The following FGF13 variants were observed in gnomAD, a reference collection of about 807,000 sequenced individuals.
The protein encoded by FGF13 is fibroblast growth factor 13.
FGF13 carries 2 observed loss-of-function variants against 19.5 expected under a neutral mutation model. The observed-to-expected ratio is 0.10, with a 90% CI of 0.04 to 0.32. The LOEUF is 0.32. Ranked by LOEUF, FGF13 falls within the 10% of genes least tolerant of loss-of-function variation. FGF13 has a pLI of 1.00. For missense variants in FGF13, 113 were observed against 192.7 expected, an observed-to-expected ratio of 0.59 and a Z score of 2.45; for synonymous variants, 72 against 76.9, an observed-to-expected ratio of 0.94 and a Z score of 0.33.
chrX:139,064,419 C>G (rs2124425532), intron 1 of FGF13, among the ~76,000 whole-genome samples: 1 of 93,103 alleles, frequency 1.1e-5, no homozygotes, highest in South Asian at 5.4e-4. Context: ...TCTCCTGCCT[C>G]AGCCTCCCGA....
rs150612113 is a variant in FGF13 at position 138,834,323 on chromosome X, G to A, written c.217+23189C>T. On this transcript the variant is annotated intron_variant, in intron 3 of 6. Transcript: ENST00000436198. ...GACTATCTATTAATGCCTCAATTTC[G>A]GAACCTGCTATTGGTCTGTTAAGGG... 2.9e-3 allele frequency among the ~76,000 whole-genome samples: 318 copies of A among 111,041 alleles called. 10 individuals carry two copies. In the East Asian group the frequency reaches 0.077, roughly 27 times the overall value.
At chrX:138,926,537 C>T (rs909270061) in intron 1 of FGF13, among the ~76,000 whole-genome samples, 2 of 110,610 alleles carry the variant, frequency 1.8e-5, no homozygotes, top group African/African-American at 3.4e-5. Flanking sequence ...ACATTGTGAG[C>T]GATAAGCAAA....
chrX:138,963,493 A>G (rs769951495), intron 1 of FGF13, among the ~76,000 whole-genome samples: 2 of 112,364 alleles, frequency 1.8e-5, no homozygotes, highest in Non-Finnish European at 3.8e-5. Flanking sequence ...GCCCCACATA[A>G]ACCTTCTTGG....
intron 1 of FGF13, among the ~76,000 whole-genome samples, chrX:138,983,126 C>T (rs1434888455): frequency 9.1e-6 from 1 of 110,293 alleles, no homozygotes; most frequent in Non-Finnish European, 1.9e-5. Flanking sequence ...TGCAATCCCA[C>T]TTGTTTATTT....
At chrX:138,885,668 C>A in intron 1 of FGF13, among the ~76,000 whole-genome samples, 1 of 106,753 alleles carries the variant, frequency 9.4e-6, no homozygotes, top group African/African-American at 3.4e-5. Context: ...GTTCATTATT[C>A]AGATGTCATC....
At chrX:138,913,417 G>A (rs2091599719) in intron 1 of FGF13, among the ~76,000 whole-genome samples, 2 of 108,938 alleles carry the variant, frequency 1.8e-5, no homozygotes, top group Admixed American at 9.9e-5. Flanking sequence ...TGCCTGCCTC[G>A]GCCTCCCAAA....
chrX:138,841,566 C>A (rs942876446), intron 3 of FGF13, among the ~76,000 whole-genome samples: 1 of 110,087 alleles, frequency 9.1e-6, no homozygotes, highest in African/African-American at 3.3e-5. Flanking sequence ...AAGGAAGGAA[C>A]GGACCTTATC....
At chrX:138,739,411 C>G (rs2090303989), upstream of FGF13, 1 of 499,379 alleles carries the variant, frequency 2.0e-6, no homozygotes. Flanking sequence ...CCCATACTCT[C>G]AGTATAGAGA....
upstream of FGF13, among the ~76,000 whole-genome samples, chrX:138,740,789 A>C (rs1194469109): frequency 8.9e-6 from 1 of 112,385 alleles, no homozygotes; most frequent in Non-Finnish European, 1.9e-5. Flanking sequence ...CACTGGGTTT[A>C]ATGATTTGCT....
intron 1 of FGF13, among the ~76,000 whole-genome samples, chrX:139,071,906 C>T (rs921740954): frequency 9.8e-6 from 1 of 101,891 alleles, no homozygotes; most frequent in African/African-American, 3.7e-5. Context: ...GTCTCAGCTA[C>T]TCGGGAGGCT....
chrX:138,729,836 A>G (rs771915892), intron 1 of FGF13, among the ~76,000 whole-genome samples: 1 of 111,573 alleles, frequency 9.0e-6, no homozygotes, highest in Non-Finnish European at 1.9e-5. Context: ...AGAGAGATAT[A>G]TAACTGCTGA....
rs1186501963 is a variant in FGF13 at position 138,936,381 on chromosome X, C to T, written c.-112-71731G>A. Among the ~76,000 whole-genome samples the T allele has an allele frequency of 2.7e-5, 3 of 112,007 alleles. No homozygotes were observed. The East Asian group carries it at 8.5e-4, about 32-fold the overall frequency. On this transcript the variant is annotated intron_variant, in intron 1 of 2. Coordinates refer to the FGF13 transcript ENST00000421460. Reference sequence around the variant, plus strand: ...AATTATTTAACTTCATTGTGACTATCTGGAGAGTAGAAAATAACAAAATAT... The same window carrying T: ...AATTATTTAACTTCATTGTGACTATTTGGAGAGTAGAAAATAACAAAATAT...
rs769263017 is a variant in FGF13 at position 138,773,563 on chromosome X, A to C, written c.218-64635T>G. Among the ~76,000 whole-genome samples, 95 of 112,442 alleles carry C rather than the reference A, an allele frequency of 8.4e-4. 1 individual carries two copies. The highest frequency in any genetic ancestry group is 1.6e-3 in the Admixed American group (17 of 10,600). ...TGATGAATGTTATCCATGTTTCATAAAGTCATGCTACAATATGTTGTCAGG... is the reference window on the plus strand; with the variant it reads ...TGATGAATGTTATCCATGTTTCATACAGTCATGCTACAATATGTTGTCAGG... On this transcript the variant is annotated intron_variant, in intron 3 of 6. Coordinates refer to the FGF13 transcript ENST00000436198.
intron 1 of FGF13, among the ~76,000 whole-genome samples, chrX:138,892,750 G>C (rs1252430443): frequency 9.1e-6 from 1 of 110,473 alleles, no homozygotes; most frequent in African/African-American, 3.3e-5. Flanking sequence ...TCGAATGCCA[G>C]GAAGAGGAGA....
At chrX:138,802,080 G>A (rs905813135) in intron 3 of FGF13, among the ~76,000 whole-genome samples, 1 of 112,144 alleles carries the variant, frequency 8.9e-6, no homozygotes, top group Non-Finnish European at 1.9e-5. Flanking sequence ...CCCTTTCCAG[G>A]GGAGTAAACA....
At chrX:139,092,611 G>A (rs2083446035) in intron 1 of FGF13, among the ~76,000 whole-genome samples, 1 of 111,636 alleles carries the variant, frequency 9.0e-6, no homozygotes, top group South Asian at 3.8e-4. Flanking sequence ...TCTCAGGATC[G>A]GCGCTACTTG....
intron 3 of FGF13, among the ~76,000 whole-genome samples, chrX:138,702,190 TAAA>T (rs2089952924): frequency 9.1e-6 from 1 of 110,048 alleles, no homozygotes; most frequent in Non-Finnish European, 1.9e-5. Flanking sequence ...AATAAATAAA[TAAA>T]TAAATTAATT....
At chrX:138,677,523 T>C (rs1252844253) in intron 3 of FGF13, among the ~76,000 whole-genome samples, 3 of 110,928 alleles carry the variant, frequency 2.7e-5, no homozygotes, top group Admixed American at 9.6e-5. Context: ...GCAAAGGACA[T>C]GAACAGACAC....
At chrX:138,940,763 G>T (rs2091753929) in intron 1 of FGF13, among the ~76,000 whole-genome samples, 1 of 110,537 alleles carries the variant, frequency 9.0e-6, no homozygotes, top group African/African-American at 3.3e-5. Flanking sequence ...TTATTTCTGG[G>T]CCCTCTATTC....
Sources: allele counts gnomAD v4.1 joint callset (sites outside exome capture counted in the v4.1 genomes callset), GRCh38; gene constraint gnomAD v4.1.1; transcripts MANE v1.5; gene names NCBI Gene and HGNC (gene_info 2026-07-23, HGNC 2026-07-21).